NFIB: variants seen among roughly 807,000 people sequenced by gnomAD.
The protein encoded by NFIB is nuclear factor 1 B-type.
Under a neutral mutation model 61.5 loss-of-function variants are expected in NFIB, and 11 were observed. The observed-to-expected ratio is 0.18, with a 90% confidence interval of 0.11 to 0.30. NFIB has a LOEUF of 0.30. Ranked by LOEUF, NFIB falls within the 10% of genes least tolerant of loss-of-function variation. NFIB has a pLI of 1.00. For synonymous variants in NFIB, 260 were observed against 216.5 expected (o/e 1.20, Z -1.76); for missense variants, 471 against 608.9 (o/e 0.77, Z 2.38).
At chr9:14,347,336 C>G (rs2061038493) in intron 1 of NFIB, 1 of 152,282 alleles carries the variant, frequency 6.6e-6, no homozygotes, top group African/African-American at 2.4e-5. Context: ...GCTCCACCAC[C>G]GCGCGCTCCC....
chr9:14,431,946 G>A, the NFIB span, among the ~76,000 whole-genome samples: 1 of 152,158 alleles, frequency 6.6e-6, no homozygotes. Flanking sequence ...TGAACTCATG[G>A]GTTGGTGGAA....
chr9:14,257,906 C>T (rs1029303408), intron 2 of NFIB, among the ~76,000 whole-genome samples: 12 of 151,618 alleles, frequency 7.9e-5, no homozygotes, highest in South Asian at 2.1e-4. Context: ...TTTTTTTTAA[C>T]GGACAAGGTT....
intron 10 of NFIB, among the ~76,000 whole-genome samples, chr9:14,107,890 T>C (rs2036802576): frequency 6.6e-6 from 1 of 152,176 alleles, no homozygotes; most frequent in African/African-American, 2.4e-5. Context: ...TGTGTTTCTG[T>C]TGATTAAAGT....
chr9:14,288,142 A>G (rs988998982), intron 2 of NFIB, among the ~76,000 whole-genome samples: 1 of 152,120 alleles, frequency 6.6e-6, no homozygotes, highest in Non-Finnish European at 1.5e-5. Flanking sequence ...CTTAAAACAA[A>G]TTATTGACAC....
chr9:14,498,172 G>C, the NFIB span, among the ~76,000 whole-genome samples: 102 of 152,340 alleles, frequency 6.7e-4, no homozygotes, highest in African/African-American at 2.3e-3. Context: ...AGCAGGACTA[G>C]GACTTAAATC....
At chr9:14,253,422 A>G (rs1370667092) in intron 2 of NFIB, among the ~76,000 whole-genome samples, 1 of 152,226 alleles carries the variant, frequency 6.6e-6, no homozygotes, top group Non-Finnish European at 1.5e-5. Flanking sequence ...CAGAGGCAGA[A>G]TAGCCTGGAA....
Position 14,097,044 on chromosome 9 carries a change from A to T in NFIB, c.1468-8718T>A, listed in dbSNP as rs73641880. On this transcript the variant is annotated intron_variant, in intron 10 of 10. Transcript: ENST00000380953. Reference sequence around the variant, plus strand: ...TCCCAACATATTATTCAAAAGCCAGACCACAGATGTTGTGCGTCCGTGAAA... The same window carrying T: ...TCCCAACATATTATTCAAAAGCCAGTCCACAGATGTTGTGCGTCCGTGAAA... Among the ~76,000 whole-genome samples the T allele has an allele frequency of 3.5e-3, 528 of 152,298 alleles. 4 individuals carry two copies. Among genetic ancestry groups the T allele is most frequent in the African/African-American group, 0.012 (496 of 41,562 alleles).
At chr9:14,353,741 G>A (rs969852670) in intron 1 of NFIB, among the ~76,000 whole-genome samples, 1 of 152,092 alleles carries the variant, frequency 6.6e-6, no homozygotes, top group Non-Finnish European at 1.5e-5. Flanking sequence ...GGAGTCCACG[G>A]GTCAGATGCC....
intron 2 of NFIB, among the ~76,000 whole-genome samples, chr9:14,288,081 T>C (rs990883826): frequency 2.0e-5 from 3 of 152,122 alleles, no homozygotes; most frequent in South Asian, 4.1e-4. Context: ...AATATTTTGC[T>C]TTCTAGATTT....
chr9:14,259,921 GAAACA>G (rs965175065), intron 2 of NFIB, among the ~76,000 whole-genome samples: 11 of 152,076 alleles, frequency 7.2e-5, no homozygotes, highest in Non-Finnish European at 1.5e-4. Context: ...AAAACGAAAC[GAAACA>G]AAACAAAACT....
chr9:14,226,487 G>A (rs1489020995), intron 2 of NFIB, among the ~76,000 whole-genome samples: 2 of 151,014 alleles, frequency 1.3e-5, no homozygotes, highest in Non-Finnish European at 2.9e-5. Context: ...GGTGGTGCCT[G>A]CAGTGTGCCA....
chr9:14,172,289 G>T (rs558377187), intron 3 of NFIB, among the ~76,000 whole-genome samples: 4 of 152,300 alleles, frequency 2.6e-5, no homozygotes, highest in African/African-American at 9.6e-5. Context: ...AACAAAAGAT[G>T]TATGTTTTAA....
chr9:14,459,430 G>T, the NFIB span, among the ~76,000 whole-genome samples: 1 of 152,104 alleles, frequency 6.6e-6, no homozygotes, highest in Non-Finnish European at 1.5e-5. Context: ...GAAAACCTAG[G>T]CAATACCATT....
At chr9:14,136,273 T>C (rs1408254621) in intron 6 of NFIB, among the ~76,000 whole-genome samples, 1 of 152,162 alleles carries the variant, frequency 6.6e-6, no homozygotes, top group East Asian at 1.9e-4. Flanking sequence ...GTAAACCTAA[T>C]TTGAAAGAGA....
At chr9:14,276,385 T>C (rs2058001707) in intron 2 of NFIB, among the ~76,000 whole-genome samples, 1 of 152,200 alleles carries the variant, frequency 6.6e-6, no homozygotes, top group Non-Finnish European at 1.5e-5. Flanking sequence ...AAGTATGAGG[T>C]ATAACTTAAA....
chr9:14,343,682 A>G (rs2060980429), intron 1 of NFIB, among the ~76,000 whole-genome samples: 2 of 152,058 alleles, frequency 1.3e-5, no homozygotes, highest in Non-Finnish European at 2.9e-5. Flanking sequence ...TTGGTGGAGA[A>G]GGGAAAAGGA....
intron 10 of NFIB, among the ~76,000 whole-genome samples, chr9:14,112,720 A>C (rs1468029447): frequency 1.3e-5 from 2 of 152,228 alleles, no homozygotes; most frequent in Non-Finnish European, 2.9e-5. Context: ...ATAGCCAATG[A>C]GACTGAGAAA....
chr9:14,361,969 A>ACT, intron 1 of NFIB: 1 of 152,234 alleles, frequency 6.6e-6, no homozygotes, highest in East Asian at 1.9e-4. Context: ...GCTGAAACAA[A>ACT]ACTCAACACA....
the NFIB span, among the ~76,000 whole-genome samples, chr9:14,501,091 T>C: frequency 6.6e-6 from 1 of 152,240 alleles, no homozygotes. Context: ...AACCCACTTT[T>C]GACTTTTAAA....
Sources: gnomAD v4.1 joint callset for allele counts (sites outside exome capture counted in the v4.1 genomes callset) on GRCh38, gnomAD v4.1.1 for gene constraint, MANE v1.5 for transcripts, NCBI Gene and HGNC (gene_info 2026-07-23, HGNC 2026-07-21) for gene names.